Variants in ZNF280D observed in about 807,000 individuals in gnomAD.
ZNF280D encodes zinc finger protein 280D.
In ZNF280D, 39 loss-of-function variants were observed where a neutral mutation model predicts 94.7. That is an observed-to-expected ratio of 0.41 (90% CI 0.32 to 0.54). ZNF280D has a LOEUF of 0.54. Ranked by LOEUF, ZNF280D falls within the 20% of genes least tolerant of loss-of-function variation. ZNF280D has a pLI of 0.22. For missense variants in ZNF280D, 1,090 were observed against 1,149.3 expected, an observed-to-expected ratio of 0.95 and a Z score of 0.75; for synonymous variants, 398 against 377.6, an observed-to-expected ratio of 1.05 and a Z score of -0.63.
rs983668331 is a variant in ZNF280D, at chr15:56,733,496, A to G, written c.-124T>C. 8.8e-7 allele frequency: 1 copy of G among 1,139,088 alleles called. No individual in the cohort carries two copies. The highest frequency in any genetic ancestry group is 4.5e-5 in the Admixed American group (1 of 22,208). The allele number at this position is 1,139,088 out of a possible 1,614,324, so 70.6% of individuals were successfully genotyped here. A position where few individuals can be genotyped will look rare whatever the true frequency, so the allele number is the denominator to read the frequency against. Reference sequence around the variant, plus strand: ...GATCGGCCTGACTGGAGCCCTGAGGAGGAGGAGAAAGAGGAGGAGGAAAAG... The same window carrying G: ...GATCGGCCTGACTGGAGCCCTGAGGGGGAGGAGAAAGAGGAGGAGGAAAAG... On this transcript the variant is annotated 5_prime_UTR_variant, in exon 1 of 22. Transcript: ENST00000267807.
chr15:56,701,646 C>T (rs2057079199), intron 4 of ZNF280D, among the ~76,000 whole-genome samples: 1 of 152,054 alleles, frequency 6.6e-6, no homozygotes, highest in South Asian at 2.1e-4. Flanking sequence ...CTGTTACATA[C>T]AGTCAGGTTC....
chr15:56,666,653 A>C, intron 15 of ZNF280D, 26 bp downstream of exon 15: 1 of 1,547,312 alleles, frequency 6.5e-7, no homozygotes, highest in African/African-American at 1.4e-5. Context: ...TTTAAATTAT[A>C]TTGTATATCA....
At chr15:56,654,850 G>C (rs1435594839) in intron 17 of ZNF280D, 2 of 463,772 alleles carry the variant, frequency 4.3e-6, no homozygotes, top group African/African-American at 2.0e-5. Context: ...CATCTGCAAA[G>C]TGAACATAGC....
At chr15:56,732,482 C>T (rs2058939895) in intron 1 of ZNF280D, 1 of 152,176 alleles carries the variant, frequency 6.6e-6, no homozygotes, top group South Asian at 2.1e-4. Flanking sequence ...CTTACAGATG[C>T]TAAGAGGCAG....
intron 6 of ZNF280D, among the ~76,000 whole-genome samples, chr15:56,697,055 AT>A (rs548896800): frequency 2.2e-4 from 33 of 152,008 alleles, no homozygotes; most frequent in Non-Finnish European, 3.8e-4. Context: ...TTGTTTTTCT[AT>A]TTTTTTCCCT....
At chr15:56,715,469 G>T (rs530126526) in intron 1 of ZNF280D, among the ~76,000 whole-genome samples, 1 of 152,180 alleles carries the variant, frequency 6.6e-6, no homozygotes, top group Admixed American at 6.6e-5. Context: ...GGGTATTCCA[G>T]TGCCTTGAAT....
At position 56,684,213 on chromosome 15, in the gene ZNF280D, C is replaced by A. The variant is rs113818834; in HGVS notation, c.781-1736G>T. 1.1e-4 allele frequency among the ~76,000 whole-genome samples: 16 copies of A among 152,296 alleles called. 1 individual carries two copies. The highest frequency in any genetic ancestry group is 3.8e-4 in the African/African-American group (16 of 41,578). On this transcript the variant is annotated intron_variant, in intron 9 of 21. Transcript: ENST00000267807. ...CAAGCTGTGAGACTATCCTGGCAAC[C>A]TATGCTTCCTCCTAAAAGGAACTTG...
intron 1 of ZNF280D, among the ~76,000 whole-genome samples, chr15:56,722,715 A>T (rs2058429526): frequency 6.6e-6 from 1 of 152,216 alleles, no homozygotes; most frequent in Non-Finnish European, 1.5e-5. Flanking sequence ...TGACCCAGCC[A>T]TCCCATTACT....
intron 16 of ZNF280D, among the ~76,000 whole-genome samples, chr15:56,660,646 A>G (rs2053875081): frequency 6.6e-6 from 1 of 152,152 alleles, no homozygotes. Context: ...TTTTATTACA[A>G]TATAGTAAAA....
intron 1 of ZNF280D, 113 bp downstream of exon 1, chr15:56,733,345 G>T: frequency 1.7e-6 from 1 of 604,322 alleles, no homozygotes; most frequent in Non-Finnish European, 2.1e-6. Context: ...CCGACGACCC[G>T]CGCCGGCCTC....
Position 56,725,615 on chromosome 15 carries a change from G to GGGA in ZNF280D, c.-86+7840_-86+7842dup, listed in dbSNP as rs558947191. 3.1e-4 allele frequency among the ~76,000 whole-genome samples: 47 copies of GGGA among 152,128 alleles called. 1 individual carries two copies. The highest frequency in any genetic ancestry group is 1.0e-3 in the African/African-American group (43 of 41,504). On this transcript the variant is annotated intron_variant, in intron 1 of 21. Coordinates refer to ENST00000267807, the MANE Select transcript of ZNF280D (RefSeq NM_017661.4). ...CTTCACAGGAAAAGTATGTGGTAAA[G>GGGA]GGAGGACCTAGTAGAATCCTTCAAA... is the stretch of plus-strand genomic sequence containing the variant.
chr15:56,681,494 C>T (rs1258251532), intron 10 of ZNF280D, among the ~76,000 whole-genome samples: 1 of 152,012 alleles, frequency 6.6e-6, no homozygotes, highest in Non-Finnish European at 1.5e-5. Flanking sequence ...GTGAAATTTT[C>T]AAAACTCTGC....
At chr15:56,724,774 T>C (rs1344893749) in intron 1 of ZNF280D, 6 of 356,964 alleles carry the variant, frequency 1.7e-5, no homozygotes, top group African/African-American at 1.1e-4. Flanking sequence ...AAGACATCTG[T>C]TGTGTATAAC....
intron 21 of ZNF280D, among the ~76,000 whole-genome samples, chr15:56,633,407 C>T (rs1450777832): frequency 2.0e-5 from 3 of 151,986 alleles, no homozygotes; most frequent in Admixed American, 1.3e-4. Context: ...AAATTTCATA[C>T]TTTTAATATG....
intron 1 of ZNF280D, among the ~76,000 whole-genome samples, chr15:56,710,740 A>G (rs1006136865): frequency 6.6e-6 from 1 of 152,130 alleles, no homozygotes. Flanking sequence ...CCATTGATAG[A>G]TATCACCCGA....
chr15:56,710,319 G>A (rs577409703), intron 1 of ZNF280D, among the ~76,000 whole-genome samples: 5 of 152,168 alleles, frequency 3.3e-5, no homozygotes, highest in East Asian at 1.9e-4. Flanking sequence ...CAGGAGAATC[G>A]CTTGAACCCA....
intron 13 of ZNF280D, among the ~76,000 whole-genome samples, chr15:56,674,508 G>A (rs942484136): frequency 1.3e-5 from 2 of 152,038 alleles, no homozygotes; most frequent in African/African-American, 4.8e-5. Context: ...TAGACCCAAT[G>A]CCAATGTGAA....
chr15:56,730,103 A>G (rs1175790710), intron 1 of ZNF280D: 1 of 152,188 alleles, frequency 6.6e-6, no homozygotes, highest in Non-Finnish European at 1.5e-5. Flanking sequence ...CCCAGATGAT[A>G]GTGATAATTG....
intron 1 of ZNF280D, among the ~76,000 whole-genome samples, chr15:56,710,134 G>A (rs991188778): frequency 1.1e-4 from 16 of 152,216 alleles, no homozygotes; most frequent in African/African-American, 3.1e-4. Flanking sequence ...CGGGCGCGGC[G>A]GCTCACGCCT....
Sources: gnomAD v4.1 joint callset for allele counts (sites outside exome capture counted in the v4.1 genomes callset) on GRCh38, gnomAD v4.1.1 for gene constraint, MANE v1.5 for transcripts, NCBI Gene and HGNC (gene_info 2026-07-23, HGNC 2026-07-21) for gene names.